EPHA6: variants seen among roughly 807,000 people sequenced by gnomAD.
EPHA6 encodes the protein EPH receptor A6, also known as ephrin type-A receptor 6.
EPHA6 carries 50 observed loss-of-function variants against 112.0 expected under a neutral mutation model. The observed-to-expected ratio is 0.45, with a 90% CI of 0.36 to 0.56. EPHA6 has a LOEUF of 0.56. EPHA6 is among the 20% of genes least tolerant of loss of function. The pLI is 0.00. For missense variants in EPHA6, 1,280 were observed against 1,417.4 expected, an observed-to-expected ratio of 0.90 and a Z score of 1.56; for synonymous variants, 529 against 490.7, an observed-to-expected ratio of 1.08 and a Z score of -1.03.
chr3:97,255,616 A>G (rs1462454591), intron 5 of EPHA6, among the ~76,000 whole-genome samples: 1 of 152,222 alleles, frequency 6.6e-6, no homozygotes, highest in Non-Finnish European at 1.5e-5. Flanking sequence ...ACTAAGCTGA[A>G]CCTAATGCAG....
rs1004957299 is a variant in EPHA6, at chr3:97,060,640, G to A, written c.1114+72647G>A. On this transcript the variant is annotated intron_variant, in intron 3 of 17. Coordinates refer to ENST00000389672, the MANE Select transcript of EPHA6 (RefSeq NM_001080448.3). ...TTATTAAAGAAAGTCGGCCGGGCGC[G>A]GTGGCTCACGCCTGTAATCCCAGCA... Among the ~76,000 whole-genome samples the A allele has an allele frequency of 1.4e-4, 21 of 151,968 alleles. No homozygotes were observed. The East Asian group carries it at 3.9e-3, about 28-fold the overall frequency.
At chr3:97,405,638 A>G (rs999374501) in intron 6 of EPHA6, among the ~76,000 whole-genome samples, 3 of 152,142 alleles carry the variant, frequency 2.0e-5, no homozygotes, top group Admixed American at 6.6e-5. Flanking sequence ...TTGAATTACT[A>G]TAACCTGAAG....
chr3:97,370,722 A>G (rs1043969235), intron 5 of EPHA6, among the ~76,000 whole-genome samples: 23 of 152,164 alleles, frequency 1.5e-4, no homozygotes, highest in African/African-American at 5.5e-4. Flanking sequence ...AACATTTTCT[A>G]GCACCTAATC....
At chr3:97,234,340 T>G (rs1370946553) in intron 4 of EPHA6, among the ~76,000 whole-genome samples, 2 of 152,258 alleles carry the variant, frequency 1.3e-5, no homozygotes, top group Admixed American at 1.3e-4. Flanking sequence ...CCAGTCCAAT[T>G]TTTCTCTTCT....
chr3:96,814,863 C>T lies in EPHA6; in HGVS notation c.240C>T (p.Arg80=), dbSNP rs751440760. The T allele has an allele frequency of 4.5e-6, 7 of 1,560,818 alleles. No individual in the cohort carries two copies. The highest frequency in any genetic ancestry group is 1.2e-5 in the South Asian group (1 of 85,076). ...HPTQNTCLRC[R]HFSLRERKRE... ...CCCAGAACACCTGCCTGCGCTGCCGCCACTTCTCTTTAAGGGAGAGGAAAA... is the reference window on the plus strand; with the variant it reads ...CCCAGAACACCTGCCTGCGCTGCCGTCACTTCTCTTTAAGGGAGAGGAAAA... Residue 80 remains arginine, a synonymous_variant, in exon 1 of 18, where the codon CGC becomes CGT. Transcript: ENST00000389672.
chr3:97,535,913 GCTCT>G (rs1278190719), intron 11 of EPHA6, among the ~76,000 whole-genome samples: 1 of 151,836 alleles, frequency 6.6e-6, no homozygotes, highest in Non-Finnish European at 1.5e-5. Flanking sequence ...GAACACTTTG[GCTCT>G]CTTTCATATT....
In EPHA6 at chr3:97,040,006, A is replaced by G. The variant is rs901984409; in HGVS notation, c.1114+52013A>G. Among the ~76,000 whole-genome samples the G allele has an allele frequency of 3.9e-4, 60 of 151,964 alleles. 1 individual carries two copies. The highest frequency in any genetic ancestry group is 3.9e-3 in the Admixed American group (60 of 15,210). On this transcript the variant is annotated intron_variant, in intron 3 of 17. Coordinates refer to ENST00000389672, the MANE Select transcript of EPHA6 (RefSeq NM_001080448.3). The stretch of plus-strand genomic sequence containing the variant: ...ATCATCCTGTTGTTTGAGACATACT[A>G]TTGACTCCAGTAAGAAAACTGGTAG...
intron 2 of EPHA6, among the ~76,000 whole-genome samples, chr3:96,956,615 C>A (rs2041769858): frequency 6.6e-6 from 1 of 152,008 alleles, no homozygotes; most frequent in South Asian, 2.1e-4. Context: ...AGACATTTTA[C>A]AAAGATCAGG....
intron 10 of EPHA6, among the ~76,000 whole-genome samples, chr3:97,490,404 A>G (rs1442311998): frequency 1.3e-5 from 2 of 152,214 alleles, no homozygotes; most frequent in Non-Finnish European, 2.9e-5. Flanking sequence ...AGAAAATATT[A>G]CATTGATATT....
chr3:97,652,049 C>G (rs1016516584), intron 14 of EPHA6, among the ~76,000 whole-genome samples: 4 of 152,106 alleles, frequency 2.6e-5, no homozygotes, highest in East Asian at 1.9e-4. Flanking sequence ...TTCTTTATGT[C>G]AATGCATACT....
At chr3:97,055,695 A>G (rs893828477) in intron 3 of EPHA6, among the ~76,000 whole-genome samples, 2 of 152,266 alleles carry the variant, frequency 1.3e-5, no homozygotes, top group Middle Eastern at 3.4e-3. Context: ...TCTAATAGCA[A>G]ATCATGTATA....
chr3:97,620,839 G>A (rs1007533853), intron 13 of EPHA6, among the ~76,000 whole-genome samples: 2 of 152,006 alleles, frequency 1.3e-5, no homozygotes, highest in African/African-American at 4.8e-5. Flanking sequence ...TTCAATCATT[G>A]TAACAGACAG....
intron 2 of EPHA6, among the ~76,000 whole-genome samples, chr3:96,966,854 T>G (rs2107769682): frequency 6.6e-6 from 1 of 152,184 alleles, no homozygotes; most frequent in South Asian, 2.1e-4. Flanking sequence ...TGCATTTACT[T>G]TAAATTTTGT....
At chr3:97,365,415 G>A (rs2084660433) in intron 5 of EPHA6, among the ~76,000 whole-genome samples, 1 of 151,038 alleles carries the variant, frequency 6.6e-6, no homozygotes, top group Non-Finnish European at 1.5e-5. Context: ...TTTTGAGATG[G>A]GAGTCTCACT....
intron 14 of EPHA6, among the ~76,000 whole-genome samples, chr3:97,649,562 GAATA>G (rs2094092688): frequency 6.6e-6 from 1 of 151,894 alleles, no homozygotes; most frequent in Non-Finnish European, 1.5e-5. Context: ...AGCCACATAA[GAATA>G]AAGAAAAGTG....
chr3:97,043,514 A>G (rs1220447627), intron 3 of EPHA6, among the ~76,000 whole-genome samples: 2 of 152,166 alleles, frequency 1.3e-5, no homozygotes, highest in Non-Finnish European at 2.9e-5. Context: ...AGGAAATACT[A>G]AGAGAACACT....
At chr3:96,980,571 T>C (rs2042725826) in intron 2 of EPHA6, among the ~76,000 whole-genome samples, 1 of 152,168 alleles carries the variant, frequency 6.6e-6, no homozygotes, top group Non-Finnish European at 1.5e-5. Context: ...TAAAGTAGTT[T>C]TTTCCAATTC....
intron 5 of EPHA6, among the ~76,000 whole-genome samples, chr3:97,398,752 T>C (rs2086826848): frequency 1.3e-5 from 2 of 151,544 alleles, no homozygotes; most frequent in Admixed American, 6.6e-5. Context: ...AAATACATAC[T>C]CTTTTTCCAC....
chr3:97,322,461 C>T (rs1169657105), intron 5 of EPHA6, among the ~76,000 whole-genome samples: 2 of 151,860 alleles, frequency 1.3e-5, no homozygotes, highest in Non-Finnish European at 2.9e-5. Flanking sequence ...AGAAGTTACC[C>T]ACTATTCTCA....
Sources: allele counts gnomAD v4.1 joint callset (sites outside exome capture counted in the v4.1 genomes callset), GRCh38; gene constraint gnomAD v4.1.1; transcripts MANE v1.5; gene names NCBI Gene and HGNC (gene_info 2026-07-23, HGNC 2026-07-21).